Variants in GAD2 observed in about 807,000 individuals in gnomAD.
GAD2 encodes glutamate decarboxylase 2, also known as 65 kDa glutamic acid decarboxylase.
GAD2 carries 22 observed loss-of-function variants against 80.1 expected under a neutral mutation model. The ratio of observed to expected loss-of-function variants is 0.27; its 90% CI spans 0.20 to 0.39. GAD2 has a LOEUF of 0.39. Among genes scored for constraint, GAD2 ranks in the 10% least tolerant of loss-of-function variants. The pLI is 1.00. For missense variants in GAD2, 624 were observed against 738.4 expected, an observed-to-expected ratio of 0.85 and a Z score of 1.80; for synonymous variants, 274 against 256.9, an observed-to-expected ratio of 1.07 and a Z score of -0.64.
intron 7 of GAD2, among the ~76,000 whole-genome samples, 197 bp from the exon 8 acceptor site, chr10:26,245,724 G>A (rs1844800808): frequency 6.6e-6 from 1 of 152,076 alleles, no homozygotes; most frequent in Non-Finnish European, 1.5e-5. Context: ...TTACAGGCAT[G>A]AGCCACCACG....
At chr10:26,259,823 A>T (rs1844988144) in intron 8 of GAD2, among the ~76,000 whole-genome samples, 1 of 152,056 alleles carries the variant, frequency 6.6e-6, no homozygotes, top group Admixed American at 6.6e-5. Context: ...TTCTTCTAAG[A>T]GTTTTATAGT....
intron 7 of GAD2, among the ~76,000 whole-genome samples, chr10:26,235,877 C>T (rs17667367): frequency 0.05 from 7,623 of 152,302 alleles, 260 homozygotes; most frequent in Non-Finnish European, 0.08. Flanking sequence ...GGCACAAGCT[C>T]TTCCAGAAAT....
intron 7 of GAD2, among the ~76,000 whole-genome samples, chr10:26,236,472 T>A (rs1463572274): frequency 6.6e-6 from 1 of 152,148 alleles, no homozygotes; most frequent in East Asian, 1.9e-4. Flanking sequence ...GGCTAAGTTC[T>A]GTATTTTTAG....
intron 12 of GAD2, among the ~76,000 whole-genome samples, chr10:26,284,376 C>T (rs1006897911): frequency 6.6e-6 from 1 of 152,046 alleles, no homozygotes; most frequent in Non-Finnish European, 1.5e-5. Flanking sequence ...TTTATTTGAG[C>T]ACGGGAATCT....
Position 26,301,144 on chromosome 10 carries a change from A to G in GAD2, c.*183A>G, listed in dbSNP as rs912303595. ...TTAAAAGTCCTTTCTTAAGTTTAGA[A>G]TACCTCTCTAAGAATTCGTGACAAA... is the stretch of plus-strand genomic sequence containing the variant. On this transcript the variant is annotated 3_prime_UTR_variant, in exon 16 of 16. Transcript: ENST00000376261. 3 of 576,014 alleles carry G rather than the reference A, an allele frequency of 5.2e-6. No homozygotes were observed. The highest frequency in any genetic ancestry group is 1.9e-5 in the African/African-American group (1 of 53,456). The allele number at this position is 576,014 out of a possible 1,614,324, so 35.7% of individuals were successfully genotyped here.
Position 26,219,104 on chromosome 10 carries a change from C to G in GAD2, c.348C>G (p.Asn116Lys), listed in dbSNP as rs754086153. The G allele has an allele frequency of 1.9e-6, 3 of 1,611,218 alleles. No individual in the cohort carries two copies. Among genetic ancestry groups the G allele is most frequent in the Non-Finnish European group, 2.5e-6 (3 of 1,178,818 alleles). Residue 116 changes from asparagine to lysine, a missense_variant, in exon 4 of 16, where the codon AAC becomes AAG. By Grantham distance (94) the Asn-to-Lys change is moderately conservative (BLOSUM62 0). Coordinates refer to ENST00000376261, the MANE Select transcript of GAD2 (RefSeq NM_001134366.2). ...TGGCGTTTCTGCAAGATGTTATGAACATTTTACTTCAGTATGTGGTGAAAA... is the reference window on the plus strand; with the variant it reads ...TGGCGTTTCTGCAAGATGTTATGAAGATTTTACTTCAGTATGTGGTGAAAA... The part of the protein sequence containing the change: ...PTLAFLQDVM[N>K]ILLQYVVKSF...
chr10:26,232,468 A>ATTTTTTTTTTTTTT, intron 7 of GAD2, among the ~76,000 whole-genome samples: 1 of 131,690 alleles, frequency 7.6e-6, no homozygotes, highest in African/African-American at 3.0e-5. Context: ...AACTCAGTCT[A>ATTTTTTTTTTTTTT]CTTTTTTTTT....
At chr10:26,256,780 G>T (rs1844948203) in intron 8 of GAD2, among the ~76,000 whole-genome samples, 1 of 152,150 alleles carries the variant, frequency 6.6e-6, no homozygotes, top group East Asian at 1.9e-4. Flanking sequence ...TGTCTGCCAG[G>T]TCACTCCGCT....
rs927555389 is a variant in GAD2, at chr10:26,301,207, G to T, written c.*246G>T. 2.4e-6 allele frequency: 1 copy of T among 418,500 alleles called. No homozygotes were observed. 25.9% of individuals were successfully genotyped at this position (418,500 alleles called of 1,614,324 possible). The stretch of plus-strand genomic sequence containing the variant: ...AATCAATAAGGAAAAGCTTAAAATT[G>T]TTATAAATACTTCCCTTACTTTTAA... On this transcript the variant is annotated 3_prime_UTR_variant, in exon 16 of 16. Transcript: ENST00000376261.
chr10:26,228,743 A>G (rs1564657064), intron 6 of GAD2, among the ~76,000 whole-genome samples: 1 of 152,194 alleles, frequency 6.6e-6, no homozygotes. Context: ...CGAGAATCCA[A>G]TTAATGCCTA....
intron 4 of GAD2, among the ~76,000 whole-genome samples, chr10:26,222,410 G>A (rs1844464017): frequency 6.6e-6 from 1 of 152,084 alleles, no homozygotes; most frequent in Non-Finnish European, 1.5e-5. Context: ...AAAAAAAAGG[G>A]TTAGGGAAAG....
At chr10:26,234,843 T>G (rs1183947797) in intron 7 of GAD2, among the ~76,000 whole-genome samples, 1 of 152,108 alleles carries the variant, frequency 6.6e-6, no homozygotes, top group Non-Finnish European at 1.5e-5. Flanking sequence ...ACTTGTAGCA[T>G]CCTTTCTTAA....
intron 8 of GAD2, among the ~76,000 whole-genome samples, chr10:26,265,007 G>C (rs907368932): frequency 6.6e-6 from 1 of 152,096 alleles, no homozygotes; most frequent in Non-Finnish European, 1.5e-5. Context: ...GCTTTCTTTG[G>C]TAAGATAATC....
chr10:26,230,838 A>G (rs2132276708), intron 7 of GAD2, among the ~76,000 whole-genome samples: 1 of 152,204 alleles, frequency 6.6e-6, no homozygotes, highest in Admixed American at 6.5e-5. Context: ...CTGTAATCCC[A>G]GCACTTTGGG....
chr10:26,295,547 C>CAG (rs1554853884), intron 15 of GAD2, among the ~76,000 whole-genome samples: 2 of 151,082 alleles, frequency 1.3e-5, no homozygotes, highest in Non-Finnish European at 3.0e-5. Flanking sequence ...CACACACACA[C>CAG]AGTCCCAGAG....
chr10:26,217,819 C>G lies in GAD2; in HGVS notation c.137-23C>G. 1 of 1,589,688 alleles carries G rather than the reference C, an allele frequency of 6.3e-7. No individual in the cohort carries two copies. The highest frequency in any genetic ancestry group is 2.3e-5 in the East Asian group (1 of 43,938). ...GGGCCCGGCGGAGGATTGACGAGGC[C>G]CGCGTTCGGTGTCCTTACCCAGCCC... On this transcript the variant is annotated intron_variant, in intron 2 of 15. Transcript: ENST00000376261. This position sits in a 1 kb window ranked among gnomAD's most constrained non-coding sequence, Gnocchi z 4.9.
intron 13 of GAD2, among the ~76,000 whole-genome samples, chr10:26,290,853 C>T (rs1472518897): frequency 6.6e-6 from 1 of 152,180 alleles, no homozygotes; most frequent in Non-Finnish European, 1.5e-5. Context: ...ATCTTAATCC[C>T]ATAAATATTC....
At chr10:26,234,185 A>T (rs1466178602) in intron 7 of GAD2, among the ~76,000 whole-genome samples, 1 of 151,768 alleles carries the variant, frequency 6.6e-6, no homozygotes, top group Non-Finnish European at 1.5e-5. Context: ...TTAGCCAGGT[A>T]TGTTGGTTGG....
In GAD2 at chr10:26,224,619, C is replaced by T; in HGVS notation, c.692C>T (p.Pro231Leu). 6.2e-7 allele frequency: 1 copy of T among 1,613,728 alleles called. No individual in the cohort carries two copies. The highest frequency in any genetic ancestry group is 1.7e-5 in the Admixed American group (1 of 59,990). ...AAAATGAGAGAAATCATTGGCTGGCCAGGGGGCTCTGGCGATGGGATATTT... is the reference window on the plus strand; with the variant it reads ...AAAATGAGAGAAATCATTGGCTGGCTAGGGGGCTCTGGCGATGGGATATTT... ...LKKMREIIGW[P>L]GGSGDGIFSP... is the part of the protein sequence containing the mutation. Residue 231 changes from proline to leucine, a missense_variant, in exon 6 of 16, where the codon CCA (proline) becomes CTA (leucine). By Grantham distance (98) the Pro-to-Leu change is moderately conservative (BLOSUM62 -3). Transcript: ENST00000376261.
Sources: allele counts gnomAD v4.1 joint callset (sites outside exome capture counted in the v4.1 genomes callset), GRCh38; gene constraint gnomAD v4.1.1; non-coding constraint Gnocchi (gnomAD v3.1); transcripts MANE v1.5; gene names NCBI Gene and HGNC (gene_info 2026-07-23, HGNC 2026-07-21).